Variants in NIPAL2 observed in about 807,000 individuals in gnomAD.
The protein encoded by NIPAL2 is NIPA-like protein 2.
Under a neutral mutation model 48.9 loss-of-function variants are expected in NIPAL2, and 43 were observed. The observed-to-expected ratio is 0.88, with a 90% CI of 0.69 to 1.13. The LOEUF (loss-of-function observed/expected upper bound fraction) is 1.13. Among genes scored for constraint, NIPAL2 ranks in the 50% most tolerant of loss-of-function variants. The pLI is 0.00. For synonymous variants in NIPAL2, 167 were observed against 174.6 expected (o/e 0.96, Z 0.34); for missense variants, 446 against 461.4 (o/e 0.97, Z 0.31).
chr8:98,190,317 GTTTGT>G lies in NIPAL2; in HGVS notation c.*2656_*2660del, dbSNP rs1563798753. The G allele has an allele frequency of 2.5e-5, 4 of 163,126 alleles. No individual in the cohort carries two copies. The highest frequency in any genetic ancestry group is 7.5e-5 in the African/African-American group (3 of 40,082). 10.1% of individuals were successfully genotyped at this position (163,126 alleles called of 1,614,324 possible). On this transcript the variant is annotated 3_prime_UTR_variant, in exon 11 of 11. Coordinates refer to ENST00000430223, the MANE Select transcript of NIPAL2 (RefSeq NM_001321635.2). ...GCTCACAGACTGGCCACTTGTTTTTGTTTGTTTGTTTGTTTGTTTGTTTTTGAGAC... is the reference window on the plus strand; with the variant it reads ...GCTCACAGACTGGCCACTTGTTTTTGTTGTTTGTTTGTTTGTTTTTGAGAC...
chr8:98,200,416 C>G (rs1810745523), intron 8 of NIPAL2, among the ~76,000 whole-genome samples: 1 of 152,260 alleles, frequency 6.6e-6, no homozygotes, highest in African/African-American at 2.4e-5. Context: ...ATTTCACTTA[C>G]CATAATGTTC....
Position 98,251,449 on chromosome 8 carries a change from T to C in NIPAL2, c.376+1014A>G, listed in dbSNP as rs73698764. Among the ~76,000 whole-genome samples the C allele has an allele frequency of 7.5e-3, 1,136 of 152,324 alleles. 14 individuals are homozygous for C. The highest frequency in any genetic ancestry group is 0.025 in the African/African-American group (1,049 of 41,560). The stretch of plus-strand genomic sequence containing the variant: ...TTGGAATGTTAAAAACAGTAAATGA[T>C]TACATAAATTGTGTGCCTCTTCGGA... On this transcript the variant is annotated intron_variant, in intron 3 of 10. Coordinates refer to ENST00000430223, the MANE Select transcript of NIPAL2 (RefSeq NM_001321635.2).
At chr8:98,231,638 A>G (rs1812444193) in intron 4 of NIPAL2, 1 of 152,192 alleles carries the variant, frequency 6.6e-6, no homozygotes, top group South Asian at 2.1e-4. Context: ...TCATTAAAAT[A>G]ATTAATCCAC....
At chr8:98,263,117 G>T (rs372214041) in intron 1 of NIPAL2, among the ~76,000 whole-genome samples, 4 of 143,740 alleles carry the variant, frequency 2.8e-5, no homozygotes, top group Middle Eastern at 3.5e-3. Context: ...TCTCTGGGAC[G>T]CATTCAAAGC....
chr8:98,264,011 C>T (rs912584148), intron 1 of NIPAL2, among the ~76,000 whole-genome samples: 5 of 147,720 alleles, frequency 3.4e-5, no homozygotes, highest in Non-Finnish European at 1.5e-5. Context: ...AGCATATAAA[C>T]AGAGCCAAAG....
chr8:98,230,743 A>C (rs1314726329), intron 4 of NIPAL2, among the ~76,000 whole-genome samples: 1 of 152,208 alleles, frequency 6.6e-6, no homozygotes, highest in Non-Finnish European at 1.5e-5. Context: ...CCCCAGAATC[A>C]GGCTCCTTCT....
At position 98,191,908 on chromosome 8, in the gene NIPAL2, G is replaced by A. The variant is rs1002476502; in HGVS notation, c.*1070C>T. On this transcript the variant is annotated 3_prime_UTR_variant, in exon 11 of 11. Coordinates refer to ENST00000430223, the MANE Select transcript of NIPAL2 (RefSeq NM_001321635.2). ...TCTATGTCTACAGGTTTAAATGGCTGAAATTCAGTTCTCTAATCACAACTC... is the reference window on the plus strand; with the variant it reads ...TCTATGTCTACAGGTTTAAATGGCTAAAATTCAGTTCTCTAATCACAACTC... 6.6e-6 allele frequency: 1 copy of A among 152,174 alleles called. No individual in the cohort carries two copies. The highest frequency in any genetic ancestry group is 2.4e-5 in the African/African-American group (1 of 41,446). The allele number at this position is 152,174 out of a possible 1,614,324, so 9.4% of individuals were successfully genotyped here.
chr8:98,211,243 A>G (rs955943869), intron 6 of NIPAL2, among the ~76,000 whole-genome samples: 9 of 152,136 alleles, frequency 5.9e-5, no homozygotes, highest in Non-Finnish European at 1.2e-4. Flanking sequence ...ACTGCTATGC[A>G]TTATCTTAAT....
chr8:98,250,905 A>G (rs931529545), intron 3 of NIPAL2, among the ~76,000 whole-genome samples: 1 of 152,054 alleles, frequency 6.6e-6, no homozygotes, highest in African/African-American at 2.4e-5. Flanking sequence ...GCCACTGCTG[A>G]CCCTGAAGTG....
Position 98,274,891 on chromosome 8 carries a change from T to C in NIPAL2, c.135+19112A>G, listed in dbSNP as rs191241890. Reference sequence around the variant, plus strand: ...TCCTGTTAGAATTGGTTGAGTGTTCTTTATCCCTCCCTCTGCTCTCACTCT... The same window carrying C: ...TCCTGTTAGAATTGGTTGAGTGTTCCTTATCCCTCCCTCTGCTCTCACTCT... On this transcript the variant is annotated intron_variant, in intron 1 of 10. Transcript: ENST00000430223. Among the ~76,000 whole-genome samples the C allele has an allele frequency of 3.2e-3, 485 of 152,246 alleles. 1 individual carries two copies. Among genetic ancestry groups the C allele is most frequent in the African/African-American group, 0.011 (457 of 41,580 alleles).
At position 98,203,158 on chromosome 8, in the gene NIPAL2, G is replaced by C. The variant is rs1219473758; in HGVS notation, c.830C>G (p.Thr277Arg). 2 of 1,614,156 alleles carry C rather than the reference G, an allele frequency of 1.2e-6. No homozygotes were observed. Among genetic ancestry groups the C allele is most frequent in the Admixed American group, 1.7e-5 (1 of 60,028 alleles). ...GAAAATATGATTAACTGGCACCACT[G>C]TTGTCGTATTGTAGAGTTTCGTGGC... is the stretch of plus-strand genomic sequence containing the variant. ...NQATKLYNTT[T>R]VVPVNHIFFT... Residue 277 changes from threonine (T) to arginine (R), a missense_variant, in exon 8 of 11, where the codon ACA becomes AGA. By Grantham distance (71) the Thr-to-Arg change is moderately conservative (BLOSUM62 -1). Transcript: ENST00000430223.
intron 5 of NIPAL2, among the ~76,000 whole-genome samples, chr8:98,213,109 T>C (rs6468620): frequency 0.38 from 57,481 of 152,000 alleles, 11,017 homozygotes; most frequent in South Asian, 0.53. Flanking sequence ...TAGAGTAATA[T>C]GACAGGCACT....
Position 98,190,191 on chromosome 8 carries a change from A to G in NIPAL2, c.*2787T>C, listed in dbSNP as rs1022751051. The G allele has an allele frequency of 1.3e-5, 2 of 152,286 alleles. No homozygotes were observed. The highest frequency in any genetic ancestry group is 2.4e-5 in the African/African-American group (1 of 41,456). The allele number at this position is 152,286 out of a possible 1,614,324, so 9.4% of individuals were successfully genotyped here. A position where few individuals can be genotyped will look rare whatever the true frequency, so the allele number is the denominator to read the frequency against. On this transcript the variant is annotated 3_prime_UTR_variant, in exon 11 of 11. Transcript: ENST00000430223. Reference sequence around the variant, plus strand: ...CAAAGTATCTCATTTGTCATGAGCCATGAGTGTCACTTTTTAAACTCCTTC... The same window carrying G: ...CAAAGTATCTCATTTGTCATGAGCCGTGAGTGTCACTTTTTAAACTCCTTC...
intron 1 of NIPAL2, among the ~76,000 whole-genome samples, chr8:98,276,657 C>T (rs1469415318): frequency 6.6e-6 from 1 of 152,072 alleles, no homozygotes; most frequent in Non-Finnish European, 1.5e-5. Flanking sequence ...AGTGGCTATA[C>T]CTGCATTCCC....
At chr8:98,234,582 C>T (rs1007165515) in intron 4 of NIPAL2, among the ~76,000 whole-genome samples, 1 of 152,034 alleles carries the variant, frequency 6.6e-6, no homozygotes, top group Admixed American at 6.6e-5. Context: ...AGTCTCACTC[C>T]GGTTGCCCAG....
In NIPAL2 at chr8:98,212,497, A is replaced by G; in HGVS notation, c.563T>C (p.Leu188Ser). The change falls in exon 6 of 11, where the codon TTA becomes TCA. Residue 188 changes from leucine to serine, a missense_variant. Leu to Ser is a moderately radical substitution (Grantham distance 145, BLOSUM62 -2). Transcript: ENST00000430223. ...GAGAATGCAGAAAATTAATATTTCT[A>G]AAATCTAGAAATGAAAAAGATGGAA... ...VGWQFLIYVI[L>S]EILIFCILLY... is the part of the protein sequence containing the mutation. 3.0e-6 allele frequency: 4 copies of G among 1,350,310 alleles called. No individual in the cohort carries two copies. The highest frequency in any genetic ancestry group is 4.2e-6 in the Non-Finnish European group (4 of 942,986). 83.6% of individuals were successfully genotyped at this position (1,350,310 alleles called of 1,614,324 possible).
chr8:98,221,300 T>C (rs915517805), intron 5 of NIPAL2, among the ~76,000 whole-genome samples: 1 of 151,714 alleles, frequency 6.6e-6, no homozygotes, highest in African/African-American at 2.4e-5. Context: ...TATACATCTC[T>C]TGGCATTGTA....
intron 4 of NIPAL2, among the ~76,000 whole-genome samples, chr8:98,225,404 G>A (rs1034416907): frequency 7.9e-5 from 12 of 152,030 alleles, no homozygotes; most frequent in Non-Finnish European, 1.6e-4. Flanking sequence ...GGTATGAAAC[G>A]TCAGTTCCTG....
intron 1 of NIPAL2, among the ~76,000 whole-genome samples, chr8:98,272,746 CTG>C (rs1360294481): frequency 1.3e-5 from 2 of 151,974 alleles, no homozygotes; most frequent in Admixed American, 6.6e-5. Context: ...TCCCGAGTAA[CTG>C]TGACTACAGA....
Sources: allele counts gnomAD v4.1 joint callset (sites outside exome capture counted in the v4.1 genomes callset), GRCh38; gene constraint gnomAD v4.1.1; transcripts MANE v1.5; gene names NCBI Gene and HGNC (gene_info 2026-07-23, HGNC 2026-07-21).